The following CR2 variants were observed in gnomAD, a reference collection of about 807,000 sequenced individuals.
CR2 encodes the protein complement receptor type 2.
In CR2, 96 loss-of-function variants were observed where a neutral mutation model predicts 123.0. That is an observed-to-expected ratio of 0.78 (90% CI 0.66 to 0.93). CR2 has a LOEUF of 0.93. Among genes scored for constraint, CR2 ranks in the 40% least tolerant of loss-of-function variants. CR2 has a pLI of 0.00. For missense variants in CR2, 1,258 were observed against 1,361.0 expected, an observed-to-expected ratio of 0.92 and a Z score of 1.19; for synonymous variants, 484 against 469.5, an observed-to-expected ratio of 1.03 and a Z score of -0.40.
At position 207,475,154 on chromosome 1, in the gene CR2, G is replaced by A. The variant is rs140808707; in HGVS notation, c.2654G>A (p.Arg885His). 6.8e-4 allele frequency: 1,096 copies of A among 1,612,764 alleles called. No homozygotes were observed. Among genetic ancestry groups the A allele is most frequent in the Non-Finnish European group, 7.1e-4 (841 of 1,179,564 alleles). ...CNPGFIMNGS[R>H]VIRCHTDNTW... ...CCTGGCTTCATCATGAATGGTAGTC[G>A]CGTGATTAGGTGTCATACTGATAAC... is the stretch of plus-strand genomic sequence containing the variant. The change falls in exon 14 of 20, where the codon CGC (arginine) becomes CAC (histidine). Residue 885 changes from arginine (R) to histidine (H), a missense_variant. Physicochemically the swap from Arg to His is conservative, Grantham distance 29. Transcript: ENST00000367057.
At chr1:207,464,137 A>G (rs550083895) in intron 1 of CR2, among the ~76,000 whole-genome samples, 14 of 152,338 alleles carry the variant, frequency 9.2e-5, no homozygotes, top group African/African-American at 3.4e-4. Flanking sequence ...GGTCCCTTCT[A>G]TAACAATTTA....
At chr1:207,457,985 G>A (rs1657874486) in intron 1 of CR2, among the ~76,000 whole-genome samples, 2 of 150,374 alleles carry the variant, frequency 1.3e-5, no homozygotes, top group African/African-American at 4.9e-5. Flanking sequence ...ATCTTGATGT[G>A]GATGCCTAGT....
At chr1:207,455,844 A>T (rs1433384664) in intron 1 of CR2, among the ~76,000 whole-genome samples, 2 of 152,182 alleles carry the variant, frequency 1.3e-5, no homozygotes, top group Non-Finnish European at 2.9e-5. Flanking sequence ...TAGGTCACTT[A>T]ACTGGAGCCC....
At chr1:207,479,951 T>C in intron 17 of CR2, 27 bp from the exon 18 acceptor site, 2 of 1,572,540 alleles carry the variant, frequency 1.3e-6, no homozygotes, top group Non-Finnish European at 1.8e-6. Context: ...CTTCTGGCAT[T>C]TGATACTTGC....
At position 207,466,350 on chromosome 1, in the gene CR2, C is replaced by G. The variant is rs311311; in HGVS notation, c.59-176C>G. ...TTATGTTGATCTGTTTGCTGAGGAT[C>G]AAGAAAAAGGTAAGAATTTAGGAGT... On this transcript the variant is annotated intron_variant, in intron 1 of 19. Coordinates refer to ENST00000367057, the MANE Select transcript of CR2 (RefSeq NM_001006658.3). Among the ~76,000 whole-genome samples, 100,357 of 152,062 alleles carry G rather than the reference C, an allele frequency of 0.66. 34,068 individuals carry two copies. Among genetic ancestry groups the G allele is most frequent in the East Asian group, 0.89 (4,628 of 5,184 alleles).
intron 2 of CR2, among the ~76,000 whole-genome samples, chr1:207,468,064 T>C (rs1366917368): frequency 2.0e-5 from 3 of 152,216 alleles, no homozygotes; most frequent in Non-Finnish European, 4.4e-5. Flanking sequence ...GTAATTCATA[T>C]AGTGTAACTA....
chr1:207,478,918 G>A (rs1373543603), intron 16 of CR2, among the ~76,000 whole-genome samples: 1 of 151,972 alleles, frequency 6.6e-6, no homozygotes, highest in Non-Finnish European at 1.5e-5. Context: ...TGCTACATAA[G>A]AAACAAGTGG....
intron 18 of CR2, among the ~76,000 whole-genome samples, chr1:207,485,056 A>G (rs1350595309): frequency 6.6e-6 from 1 of 152,190 alleles, no homozygotes; most frequent in African/African-American, 2.4e-5. Context: ...TTTACACTTC[A>G]TAGGATAAAA....
rs775000443 is a variant in CR2 at position 207,469,714 on chromosome 1, TC to T, written c.842del (p.Pro281LeufsTer8). 6.2e-7 allele frequency: 1 copy of T among 1,613,638 alleles called. No homozygotes were observed. The highest frequency in any genetic ancestry group is 8.5e-7 in the Non-Finnish European group (1 of 1,179,772). ...VCEEIFCPSP[P>X]PILNGRHIGN... ...CCCTAGAAATTTTTTGCCCATCACCTCCCCCTATTCTCAATGGAAGACATAT... is the reference window on the plus strand; with the variant it reads ...CCCTAGAAATTTTTTGCCCATCACCTCCCCTATTCTCAATGGAAGACATAT... On this transcript the variant is annotated frameshift_variant, in exon 6 of 20. Coordinates refer to ENST00000367057, the MANE Select transcript of CR2 (RefSeq NM_001006658.3). LOFTEE classifies it high-confidence loss of function.
At chr1:207,472,294 A>G (rs1467590681) in intron 9 of CR2, among the ~76,000 whole-genome samples, 1 of 152,144 alleles carries the variant, frequency 6.6e-6, no homozygotes, top group Non-Finnish European at 1.5e-5. Flanking sequence ...AAAACACTAC[A>G]GACTTCAAAT....
At chr1:207,462,597 G>C (rs1345858891) in intron 1 of CR2, among the ~76,000 whole-genome samples, 3 of 152,190 alleles carry the variant, frequency 2.0e-5, no homozygotes, top group Non-Finnish European at 2.9e-5. Flanking sequence ...AGTATAGAAG[G>C]TGTACCAGCC....
In CR2 at chr1:207,476,348, T is replaced by C; in HGVS notation, c.2831T>C (p.Leu944Pro). 1.9e-6 allele frequency: 3 copies of C among 1,614,016 alleles called. No homozygotes were observed. Among genetic ancestry groups the C allele is most frequent in the East Asian group, 2.2e-5 (1 of 44,876 alleles). ...CTGTACAGCTGTGACCAAGGCTACC[T>C]GCTGGTGGGAGAGGCACTCCTTCTT... The part of the protein sequence containing the change: ...SILYSCDQGY[L>P]LVGEALLLCT... Residue 944 changes from leucine (L) to proline (P), a missense_variant, in exon 15 of 20, where the codon CTG becomes CCG. Leu to Pro is a moderately conservative substitution (Grantham distance 98, BLOSUM62 -3). Transcript: ENST00000367057.
intron 1 of CR2, among the ~76,000 whole-genome samples, chr1:207,464,350 ATAT>A (rs1658035990): frequency 6.6e-6 from 1 of 152,180 alleles, no homozygotes; most frequent in Non-Finnish European, 1.5e-5. Flanking sequence ...AGAAAGTATA[ATAT>A]TCTCTCTTTC....
At chr1:207,471,546 A>T in intron 9 of CR2, 47 bp downstream of exon 9, 1 of 1,337,040 alleles carries the variant, frequency 7.5e-7, no homozygotes, top group African/African-American at 1.4e-5. Flanking sequence ...TGAGATCTAT[A>T]CATTTCCTGG....
chr1:207,459,622 C>T (rs1336928028), intron 1 of CR2, among the ~76,000 whole-genome samples: 2 of 152,136 alleles, frequency 1.3e-5, no homozygotes, highest in South Asian at 2.1e-4. Flanking sequence ...GAAACTGCTT[C>T]GCCTGTTAGT....
chr1:207,467,687 GATAA>G (rs1191452030), intron 2 of CR2, among the ~76,000 whole-genome samples: 1 of 152,170 alleles, frequency 6.6e-6, no homozygotes, highest in Non-Finnish European at 1.5e-5. Flanking sequence ...TTGATTGATT[GATAA>G]ATAGCCTTGG....
chr1:207,481,699 G>A (rs1221888226), intron 18 of CR2, among the ~76,000 whole-genome samples: 1 of 151,894 alleles, frequency 6.6e-6, no homozygotes, highest in Non-Finnish European at 1.5e-5. Flanking sequence ...CAGATGTTTT[G>A]TTATATTTTA....
In CR2 at chr1:207,454,404, G is replaced by T; in HGVS notation, c.-15G>T. ...GTCTCGGAACGCATCCCGCCGCGGGGGCTTCGGCCGTGGCATGGGCGCCGC... is the reference window on the plus strand; with the variant it reads ...GTCTCGGAACGCATCCCGCCGCGGGTGCTTCGGCCGTGGCATGGGCGCCGC... On this transcript the variant is annotated 5_prime_UTR_variant, in exon 1 of 20. Transcript: ENST00000367057. The surrounding 1 kb of genome is among the most constrained non-coding windows in gnomAD (Gnocchi z 4.3). 6.4e-7 allele frequency: 1 copy of T among 1,574,768 alleles called. No homozygotes were observed. Among genetic ancestry groups the T allele is most frequent in the Non-Finnish European group, 8.6e-7 (1 of 1,167,468 alleles).
At position 207,469,798 on chromosome 1, in the gene CR2, G is replaced by A. The variant is rs764656581; in HGVS notation, c.921G>A (p.Pro307=). The A allele has an allele frequency of 1.9e-5, 31 of 1,613,744 alleles. No individual in the cohort carries two copies. In the Middle Eastern group the frequency reaches 6.6e-4, roughly 34 times the overall value. ...YGSIVTYTCD[P]DPEEGVNFIL... ...GCATAGTCACTTACACTTGTGACCC[G>A]GACCCAGAGGAAGGAGTGAACTTCA... The change falls in exon 6 of 20, where the codon CCG becomes CCA. Residue 307 remains proline (P), a synonymous_variant. Transcript: ENST00000367057.
Sources: gnomAD v4.1 joint callset for allele counts (sites outside exome capture counted in the v4.1 genomes callset) on GRCh38, gnomAD v4.1.1 for gene constraint, Gnocchi (gnomAD v3.1) non-coding constraint, MANE v1.5 for transcripts, NCBI Gene and HGNC (gene_info 2026-07-23, HGNC 2026-07-21) for gene names.